The following PRKG2 variants were observed in gnomAD, a reference collection of about 807,000 sequenced individuals.
PRKG2 encodes cGMP-dependent protein kinase 2.
In PRKG2, 33 loss-of-function variants were observed where a neutral mutation model predicts 97.2. The observed-to-expected ratio is 0.34, with a 90% CI of 0.26 to 0.45. PRKG2 has a LOEUF of 0.45. Ranked by LOEUF, PRKG2 falls within the 20% of genes least tolerant of loss-of-function variation. PRKG2 has a pLI of 1.00. For synonymous variants in PRKG2, 330 were observed against 321.8 expected (o/e 1.03, Z -0.27); for missense variants, 638 against 900.0 (o/e 0.71, Z 3.73).
upstream of PRKG2, among the ~76,000 whole-genome samples, chr4:81,216,546 T>A (rs1327165077): frequency 1.2e-4 from 19 of 152,008 alleles, no homozygotes; most frequent in Admixed American, 1.2e-3. Context: ...TAAAAAAAAA[T>A]TTCAGATTCA....
At chr4:81,144,169 C>T in intron 10 of PRKG2, 63 bp downstream of exon 10, 1 of 1,440,112 alleles carries the variant, frequency 6.9e-7, no homozygotes, top group Non-Finnish European at 9.8e-7. Flanking sequence ...ACCCTCTGTC[C>T]CCTTCTTTAT....
At chr4:81,156,673 C>G (rs574116894) in intron 6 of PRKG2, among the ~76,000 whole-genome samples, 8 of 152,058 alleles carry the variant, frequency 5.3e-5, no homozygotes, top group South Asian at 2.1e-4. Flanking sequence ...TGACCACATA[C>G]TTGGAAGTAA....
Position 81,137,502 on chromosome 4 carries a change from C to T in PRKG2, c.1545-20G>A. 1 of 1,570,214 alleles carries T rather than the reference C, an allele frequency of 6.4e-7. No homozygotes were observed. Among genetic ancestry groups the T allele is most frequent in the Non-Finnish European group, 8.7e-7 (1 of 1,143,598 alleles). ...TATAATCTGTGAAGACAGATAAAAA[C>T]ATGGTTATTATTGGAAATCTAGTTT... On this transcript the variant is annotated intron_variant, in intron 12 of 18. Coordinates refer to ENST00000264399, the MANE Select transcript of PRKG2 (RefSeq NM_006259.3).
At chr4:81,211,378 T>C (rs563455734) in intron 1 of PRKG2, among the ~76,000 whole-genome samples, 5 of 152,282 alleles carry the variant, frequency 3.3e-5, no homozygotes, top group African/African-American at 9.6e-5. Context: ...AAAAGAATTA[T>C]GTATTAAGAA....
intron 10 of PRKG2, among the ~76,000 whole-genome samples, chr4:81,143,388 C>A (rs1341734707): frequency 6.6e-6 from 1 of 152,164 alleles, no homozygotes; most frequent in East Asian, 1.9e-4. Flanking sequence ...GAGAATGCCA[C>A]ATTGACAATC....
intron 14 of PRKG2, among the ~76,000 whole-genome samples, chr4:81,134,886 A>T (rs559466547): frequency 2.1e-4 from 32 of 152,316 alleles, no homozygotes; most frequent in African/African-American, 7.7e-4. Flanking sequence ...TAAAAATTAA[A>T]CAAAAATACT....
rs74845066 is a variant in PRKG2, at chr4:81,161,440, C to T, written c.912+5721G>A. Among the ~76,000 whole-genome samples, 1,119 of 152,292 alleles carry T rather than the reference C, an allele frequency of 7.3e-3. 20 individuals are homozygous for T. The highest frequency in any genetic ancestry group is 0.026 in the African/African-American group (1,089 of 41,560). On this transcript the variant is annotated intron_variant, in intron 6 of 18. Transcript: ENST00000264399. ...ACATCCTTTTATTATTTACAGTTTCCGTGAGTCAGAAAGCCTAGGCACAGT... is the reference window on the plus strand; with the variant it reads ...ACATCCTTTTATTATTTACAGTTTCTGTGAGTCAGAAAGCCTAGGCACAGT...
intron 13 of PRKG2, among the ~76,000 whole-genome samples, 188 bp from the exon 14 acceptor site, chr4:81,135,484 A>G (rs142506455): frequency 6.6e-6 from 1 of 152,196 alleles, no homozygotes; most frequent in Non-Finnish European, 1.5e-5. Flanking sequence ...ATTCAGGGAG[A>G]TATGTGATAC....
At chr4:81,097,286 T>A (rs1742217204) in intron 17 of PRKG2, among the ~76,000 whole-genome samples, 1 of 152,216 alleles carries the variant, frequency 6.6e-6, no homozygotes, top group South Asian at 2.1e-4. Flanking sequence ...AGGTGCATTG[T>A]CAATGAACAG....
chr4:81,130,340 C>T lies in PRKG2; in HGVS notation c.1776+4815G>A, dbSNP rs192246789. On this transcript the variant is annotated intron_variant, in intron 14 of 18. Coordinates refer to ENST00000264399, the MANE Select transcript of PRKG2 (RefSeq NM_006259.3). ...TGAGGCTGCAGAACAGCAAAGATTG[C>T]TGCCTTTTCCTTCCTCTGGAAGCTT... Among the ~76,000 whole-genome samples, 643 of 152,296 alleles carry T rather than the reference C, an allele frequency of 4.2e-3. 3 individuals are homozygous for T. The highest frequency in any genetic ancestry group is 0.015 in the African/African-American group (603 of 41,560).
At chr4:81,122,730 TG>T (rs898601517) in intron 14 of PRKG2, among the ~76,000 whole-genome samples, 32 of 152,266 alleles carry the variant, frequency 2.1e-4, no homozygotes, top group African/African-American at 7.2e-4. Flanking sequence ...CAAGAATTGA[TG>T]AAGGAGGATG....
intron 14 of PRKG2, among the ~76,000 whole-genome samples, chr4:81,130,190 G>C (rs1746029332): frequency 6.6e-6 from 1 of 152,172 alleles, no homozygotes; most frequent in Non-Finnish European, 1.5e-5. Context: ...TTGGGTGGAA[G>C]TCCTTTTTGT....
chr4:81,195,535 T>C (rs1203758553), intron 2 of PRKG2, among the ~76,000 whole-genome samples: 1 of 152,192 alleles, frequency 6.6e-6, no homozygotes. Flanking sequence ...ACCTATTATA[T>C]ATTCCCTGGG....
intron 1 of PRKG2, among the ~76,000 whole-genome samples, chr4:81,210,383 G>A (rs1323075051): frequency 1.3e-5 from 2 of 152,032 alleles, no homozygotes; most frequent in Non-Finnish European, 2.9e-5. Context: ...ACTGAAAAAT[G>A]GGCAAAAGAT....
At chr4:81,093,255 G>C (rs1022688957) in intron 17 of PRKG2, among the ~76,000 whole-genome samples, 1 of 151,400 alleles carries the variant, frequency 6.6e-6, no homozygotes, top group Non-Finnish European at 1.5e-5. Flanking sequence ...TCTTTCTCTA[G>C]ATTTCCATGT....
In PRKG2 at chr4:81,092,359, A is replaced by T. The variant is rs781052969; in HGVS notation, c.2193+27T>A. ...AAAAACAAATCCCTGGGAAAAAAAT[A>T]AAAAAGTAATATAATAAATACAATA... On this transcript the variant is annotated intron_variant, in intron 18 of 18. Transcript: ENST00000264399. The T allele has an allele frequency of 2.5e-5, 37 of 1,452,716 alleles. 1 individual carries two copies. The highest frequency in any genetic ancestry group is 6.4e-5 in the Admixed American group (3 of 46,590). The allele number at this position is 1,452,716 out of a possible 1,614,324, so 90.0% of individuals were successfully genotyped here.
At chr4:81,121,987 T>C (rs1056543554) in intron 14 of PRKG2, among the ~76,000 whole-genome samples, 1 of 152,188 alleles carries the variant, frequency 6.6e-6, no homozygotes, top group Non-Finnish European at 1.5e-5. Context: ...TAACACATCC[T>C]GTGCAAAAGC....
At chr4:81,139,322 C>T (rs1464105269) in intron 12 of PRKG2, among the ~76,000 whole-genome samples, 1 of 152,112 alleles carries the variant, frequency 6.6e-6, no homozygotes, top group Admixed American at 6.5e-5. Flanking sequence ...CACACAAATC[C>T]TTGCTTCCCT....
chr4:81,151,610 G>C (rs1285252539), intron 8 of PRKG2, among the ~76,000 whole-genome samples: 1 of 151,926 alleles, frequency 6.6e-6, no homozygotes, highest in African/African-American at 2.4e-5. Context: ...TTTTAAAAAG[G>C]TGAAAACTCT....
Sources: gnomAD v4.1 joint callset for allele counts (sites outside exome capture counted in the v4.1 genomes callset) on GRCh38, gnomAD v4.1.1 for gene constraint, MANE v1.5 for transcripts, NCBI Gene and HGNC (gene_info 2026-07-23, HGNC 2026-07-21) for gene names.